The following CASQ2 variants were observed in gnomAD, a reference collection of about 807,000 sequenced individuals.
The protein encoded by CASQ2 is calsequestrin-2.
In CASQ2, 49 loss-of-function variants were observed where a neutral mutation model predicts 46.5. The ratio of observed to expected loss-of-function variants is 1.05; its 90% CI spans 0.84 to 1.34. The LOEUF is 1.34. CASQ2 is among the 40% of genes most tolerant of loss of function. The probability of loss-of-function intolerance (pLI) is 0.00; values close to 1 mark genes in which losing one functional copy is unlikely to be tolerated. For synonymous variants in CASQ2, 174 were observed against 168.5 expected (o/e 1.03, Z -0.25); for missense variants, 486 against 481.3 (o/e 1.01, Z -0.09).
At position 115,753,050 on chromosome 1, in the gene CASQ2, A is replaced by T. The variant is rs148106388; in HGVS notation, c.235-8138T>A. On this transcript the variant is annotated intron_variant, in intron 1 of 10. Coordinates refer to ENST00000261448, the MANE Select transcript of CASQ2 (RefSeq NM_001232.4). ...ATAGTTTGAGGGTCTCCCATGAGGAAACAAAGTGGAGGACACACAGTGATG... is the reference window on the plus strand; with the variant it reads ...ATAGTTTGAGGGTCTCCCATGAGGATACAAAGTGGAGGACACACAGTGATG... Among the ~76,000 whole-genome samples, 339 of 152,328 alleles carry T rather than the reference A, an allele frequency of 2.2e-3. 1 individual carries two copies. The highest frequency in any genetic ancestry group is 7.8e-3 in the African/African-American group (325 of 41,562).
rs115150584 is a variant in CASQ2, at chr1:115,705,668, C to T, written c.839-376G>A. Among the ~76,000 whole-genome samples the T allele has an allele frequency of 5.0e-3, 766 of 152,234 alleles. 3 individuals are homozygous for T. The highest frequency in any genetic ancestry group is 0.018 in the African/African-American group (747 of 41,524). On this transcript the variant is annotated intron_variant, in intron 8 of 10. Transcript: ENST00000261448. ...CAGATGCTTTGCTGTCCCCTAGAGT[C>T]CCCAATAACATTTGCTCTAAGGACC...
At position 115,700,994 on chromosome 1, in the gene CASQ2, C is replaced by T. The variant is rs1570791482; in HGVS notation, c.*247G>A. ...GGTCCAGCAAAGAACAAGATCTGTT[C>T]CGTGACAGTCAAGACAGTCAACATG... On this transcript the variant is annotated 3_prime_UTR_variant, in exon 11 of 11. Transcript: ENST00000261448. 9 of 633,732 alleles carry T rather than the reference C, an allele frequency of 1.4e-5. No homozygotes were observed. The highest frequency in any genetic ancestry group is 2.0e-5 in the Non-Finnish European group (7 of 355,704). The allele number at this position is 633,732 out of a possible 1,614,324, so 39.3% of individuals were successfully genotyped here.
In CASQ2 at chr1:115,768,334, A is replaced by G; in HGVS notation, c.208T>C (p.Phe70Leu). Residue 70 changes from phenylalanine to leucine, a missense_variant, in exon 1 of 11, where the codon TTC becomes CTC. Physicochemically the swap from Phe to Leu is conservative, Grantham distance 22. Coordinates refer to ENST00000261448, the MANE Select transcript of CASQ2 (RefSeq NM_001232.4). The stretch of plus-strand genomic sequence containing the variant: ...TCAAGCACGATTTCTTTCAGTTGGA[A>G]CTGTTTTTGCGTGACCTTATCTGAA... ...VSSDKVTQKQ[F>L]QLKEIVLELV... 1 of 1,613,400 alleles carries G rather than the reference A, an allele frequency of 6.2e-7. No individual in the cohort carries two copies. The highest frequency in any genetic ancestry group is 1.6e-4 in the Middle Eastern group (1 of 6,062).
chr1:115,767,720 C>G (rs1290042992), intron 1 of CASQ2, among the ~76,000 whole-genome samples: 2 of 152,182 alleles, frequency 1.3e-5, no homozygotes, highest in African/African-American at 4.8e-5. Flanking sequence ...CCTAAAGTCA[C>G]ACCAAGAACT....
At chr1:115,764,573 G>T (rs996490331) in intron 1 of CASQ2, among the ~76,000 whole-genome samples, 2 of 152,264 alleles carry the variant, frequency 1.3e-5, no homozygotes, top group South Asian at 2.1e-4. Flanking sequence ...TTAAGTCAGG[G>T]TTACAGCTAT....
chr1:115,725,430 G>A (rs980666532), intron 7 of CASQ2, 78 bp downstream of exon 7: 5 of 1,532,018 alleles, frequency 3.3e-6, no homozygotes, highest in Non-Finnish European at 4.5e-6. Context: ...TTTGAGTTTG[G>A]GGACTTAATC....
intron 1 of CASQ2, among the ~76,000 whole-genome samples, chr1:115,756,351 A>G (rs1223990271): frequency 2.0e-5 from 3 of 152,212 alleles, no homozygotes; most frequent in Non-Finnish European, 1.5e-5. Flanking sequence ...CCAGTTTATA[A>G]AAAGGGAAGC....
chr1:115,738,124 A>G, intron 4 of CASQ2, 100 bp downstream of exon 4: 1 of 792,616 alleles, frequency 1.3e-6, no homozygotes. Context: ...CTACCCAGCA[A>G]AAGAGGTGCT....
At chr1:115,705,390 A>G in intron 8 of CASQ2, 98 bp from the exon 9 acceptor site, 1 of 769,884 alleles carries the variant, frequency 1.3e-6, no homozygotes, top group South Asian at 1.5e-5. Context: ...TTCTTAGGAC[A>G]TTTGGTGCTC....
At chr1:115,705,651 T>C (rs1265586931) in intron 8 of CASQ2, among the ~76,000 whole-genome samples, 1 of 152,198 alleles carries the variant, frequency 6.6e-6, no homozygotes, top group Non-Finnish European at 1.5e-5. Flanking sequence ...AACAGATGCT[T>C]TGCTGTCCCC....
intron 8 of CASQ2, among the ~76,000 whole-genome samples, chr1:115,717,094 C>T (rs1253507946): frequency 6.6e-6 from 1 of 152,192 alleles, no homozygotes; most frequent in Non-Finnish European, 1.5e-5. Flanking sequence ...TGTGAGATGT[C>T]TGCTCCCGCT....
At position 115,717,824 on chromosome 1, in the gene CASQ2, G is replaced by A. The variant is rs2101068789; in HGVS notation, c.838+16C>T. The A allele has an allele frequency of 1.3e-6, 2 of 1,586,890 alleles. No homozygotes were observed. Among genetic ancestry groups the A allele is most frequent in the East Asian group, 2.2e-5 (1 of 44,730 alleles). On this transcript the variant is annotated intron_variant, in intron 8 of 10. Coordinates refer to ENST00000261448, the MANE Select transcript of CASQ2 (RefSeq NM_001232.4). Reference sequence around the variant, plus strand: ...TCTTGCTAGAGCTGTAAAAGAGCAGGTTGAAGGTTTCCTACCTGGATCACT... The same window carrying A: ...TCTTGCTAGAGCTGTAAAAGAGCAGATTGAAGGTTTCCTACCTGGATCACT...
chr1:115,762,432 A>G (rs574685089), intron 1 of CASQ2, among the ~76,000 whole-genome samples: 1 of 152,332 alleles, frequency 6.6e-6, no homozygotes, highest in South Asian at 2.1e-4. Context: ...GCTGCCTGAA[A>G]AAATCCCCCA....
At chr1:115,733,042 A>T in intron 4 of CASQ2, 68 bp from the exon 5 acceptor site, 1 of 1,159,826 alleles carries the variant, frequency 8.6e-7, no homozygotes, top group Non-Finnish European at 1.3e-6. Context: ...CTTCTTTTTA[A>T]ATGGTGTAGA....
intron 1 of CASQ2, among the ~76,000 whole-genome samples, chr1:115,765,544 G>A (rs1649107218): frequency 6.6e-6 from 1 of 152,006 alleles, no homozygotes; most frequent in African/African-American, 2.4e-5. Flanking sequence ...AACTTAATAG[G>A]TTGAGATCAA....
At chr1:115,758,024 T>A (rs879689744) in intron 1 of CASQ2, among the ~76,000 whole-genome samples, 1 of 152,240 alleles carries the variant, frequency 6.6e-6, no homozygotes, top group Non-Finnish European at 1.5e-5. Flanking sequence ...TTGCACAATT[T>A]AATGCAGCTC....
intron 5 of CASQ2, among the ~76,000 whole-genome samples, chr1:115,731,794 T>C (rs899803094): frequency 6.6e-6 from 1 of 152,250 alleles, no homozygotes; most frequent in African/African-American, 2.4e-5. Context: ...TCCTCCCTTA[T>C]GGGAGTGTTG....
intron 1 of CASQ2, among the ~76,000 whole-genome samples, chr1:115,749,286 G>T (rs1204735650): frequency 6.6e-6 from 1 of 152,230 alleles, no homozygotes; most frequent in Non-Finnish European, 1.5e-5. Context: ...GTTTTAGGTA[G>T]ATCCAAATGT....
At chr1:115,760,115 A>T (rs1648888067) in intron 1 of CASQ2, among the ~76,000 whole-genome samples, 1 of 152,132 alleles carries the variant, frequency 6.6e-6, no homozygotes, top group Non-Finnish European at 1.5e-5. Context: ...GAATCCCTGC[A>T]CCCCTAGAAC....
Sources: gnomAD v4.1 joint callset for allele counts (sites outside exome capture counted in the v4.1 genomes callset) on GRCh38, gnomAD v4.1.1 for gene constraint, MANE v1.5 for transcripts, NCBI Gene and HGNC (gene_info 2026-07-23, HGNC 2026-07-21) for gene names.